KCNJ3: variants seen among roughly 807,000 people sequenced by gnomAD.
KCNJ3 encodes the protein potassium inwardly rectifying channel subfamily J member 3.
KCNJ3 carries 4 observed loss-of-function variants against 39.2 expected under a neutral mutation model. The ratio of observed to expected loss-of-function variants is 0.10; its 90% CI spans 0.05 to 0.23. KCNJ3 has a LOEUF of 0.23. Ranked by LOEUF, KCNJ3 falls within the 10% of genes least tolerant of loss-of-function variation. KCNJ3 has a pLI of 1.00. For synonymous variants in KCNJ3, 230 were observed against 237.4 expected (o/e 0.97, Z 0.29); for missense variants, 276 against 634.9 (o/e 0.43, Z 6.08).
chr2:154,748,321 A>G (rs185191342), intron 2 of KCNJ3, among the ~76,000 whole-genome samples: 1 of 152,046 alleles, frequency 6.6e-6, no homozygotes, highest in Non-Finnish European at 1.5e-5. Context: ...TGCTAGGGAT[A>G]TAGTGGCCTT....
intron 2 of KCNJ3, among the ~76,000 whole-genome samples, chr2:154,757,049 T>C (rs1412823500): frequency 6.6e-6 from 1 of 152,070 alleles, no homozygotes; most frequent in Middle Eastern, 3.2e-3. Context: ...AAAAAATGAA[T>C]TTAAAAAGTA....
intron 1 of KCNJ3, among the ~76,000 whole-genome samples, chr2:154,703,948 C>T (rs1325380815): frequency 1.3e-5 from 2 of 151,998 alleles, no homozygotes; most frequent in African/African-American, 4.8e-5. Flanking sequence ...AAGCTGAGTA[C>T]CTCAGAATGC....
At chr2:154,809,304 A>G (rs955487954) in intron 2 of KCNJ3, among the ~76,000 whole-genome samples, 2 of 152,112 alleles carry the variant, frequency 1.3e-5, no homozygotes, top group Admixed American at 1.3e-4. Context: ...AAAACCACCA[A>G]TGAGAGGAGG....
At chr2:154,756,553 A>T (rs1002661818) in intron 2 of KCNJ3, among the ~76,000 whole-genome samples, 2 of 142,052 alleles carry the variant, frequency 1.4e-5, no homozygotes, top group African/African-American at 5.2e-5. Flanking sequence ...CTGATGTGTG[A>T]TGTTCCCCTC....
intron 2 of KCNJ3, among the ~76,000 whole-genome samples, chr2:154,796,595 T>C (rs1686724065): frequency 6.6e-6 from 1 of 151,946 alleles, no homozygotes. Flanking sequence ...AAGTCTATAT[T>C]GCTAACTAAT....
At chr2:154,735,474 T>A (rs1380564295) in intron 2 of KCNJ3, among the ~76,000 whole-genome samples, 2 of 152,146 alleles carry the variant, frequency 1.3e-5, no homozygotes, top group Non-Finnish European at 2.9e-5. Flanking sequence ...TGGAAGACAA[T>A]CAGTTTTACA....
chr2:154,809,675 A>G (rs544419901), intron 2 of KCNJ3, among the ~76,000 whole-genome samples: 4 of 152,202 alleles, frequency 2.6e-5, no homozygotes, highest in Non-Finnish European at 4.4e-5. Flanking sequence ...TTGAAACAAA[A>G]ACTTAAAGCA....
At chr2:154,780,880 A>C (rs1195695100) in intron 2 of KCNJ3, among the ~76,000 whole-genome samples, 1 of 152,188 alleles carries the variant, frequency 6.6e-6, no homozygotes, top group Non-Finnish European at 1.5e-5. Context: ...TTTACTTGCT[A>C]TCCCCAGAAC....
chr2:154,758,816 C>T (rs1685986255), intron 2 of KCNJ3, among the ~76,000 whole-genome samples: 1 of 152,144 alleles, frequency 6.6e-6, no homozygotes, highest in South Asian at 2.1e-4. Flanking sequence ...CTGGATTAAA[C>T]ATTAAACTGA....
In KCNJ3 at chr2:154,709,626, G is replaced by C; in HGVS notation, c.726G>C (p.Glu242Asp). 6.2e-7 allele frequency: 1 copy of C among 1,613,884 alleles called. No individual in the cohort carries two copies. Residue 242 changes from glutamate (E) to aspartate (D), a missense_variant, in exon 2 of 3, where the codon GAG becomes GAC. Glu to Asp is a conservative substitution (Grantham distance 45). Around this residue, in one of 4 missense-constraint regions of KCNJ3, gnomAD observed 77 missense variants for 200.0 expected, o/e 0.38. Transcript: ENST00000295101. Reference sequence around the variant, plus strand: ...AGTCTCGGCAGACACCTGAGGGTGAGTTCCTTCCCCTTGACCAACTTGAAC... The same window carrying C: ...AGTCTCGGCAGACACCTGAGGGTGACTTCCTTCCCCTTGACCAACTTGAAC... ...LLKSRQTPEG[E>D]FLPLDQLELD...
chr2:154,845,718 C>A (rs1330209615), intron 2 of KCNJ3, among the ~76,000 whole-genome samples: 1 of 152,046 alleles, frequency 6.6e-6, no homozygotes, highest in Non-Finnish European at 1.5e-5. Flanking sequence ...CGCCTGTAAT[C>A]CCAGCACTTT....
At chr2:154,719,323 G>GGTAAAACTGGA (rs749073462) in intron 2 of KCNJ3, among the ~76,000 whole-genome samples, 8 of 152,098 alleles carry the variant, frequency 5.3e-5, no homozygotes, top group Non-Finnish European at 1.2e-4. Flanking sequence ...ATTGGCATGT[G>GGTAAAACTGGA]GTAAAACTGG....
chr2:154,712,002 C>T (rs1558853290), intron 2 of KCNJ3, among the ~76,000 whole-genome samples: 1 of 152,042 alleles, frequency 6.6e-6, no homozygotes, highest in Non-Finnish European at 1.5e-5. Context: ...GATTAAAGTC[C>T]ACTTCCTCTT....
At chr2:154,711,499 C>T (rs1022689296) in intron 2 of KCNJ3, among the ~76,000 whole-genome samples, 80 of 151,960 alleles carry the variant, frequency 5.3e-4, no homozygotes, top group Non-Finnish European at 1.3e-4. Context: ...ATCTAGCTAC[C>T]CGTTCATTCA....
At chr2:154,718,709 C>T (rs77302155) in intron 2 of KCNJ3, among the ~76,000 whole-genome samples, 3,649 of 152,170 alleles carry the variant, frequency 0.024, 79 homozygotes, top group Non-Finnish European at 0.039. Context: ...TTTGCACATA[C>T]GTTATTTTCT....
intron 2 of KCNJ3, among the ~76,000 whole-genome samples, chr2:154,851,235 C>A: frequency 6.6e-6 from 1 of 151,486 alleles, no homozygotes; most frequent in African/African-American, 2.4e-5. Context: ...GAACAAGAGC[C>A]CATCTGAAAA....
chr2:154,699,661 T>C lies in KCNJ3; in HGVS notation c.702+184T>C, dbSNP rs1684852774. ...AATGCGGTTGACAGTTCTGTTCCTT[T>C]TCCACTCACTCTCGTGCTCTTGTTT... On this transcript the variant is annotated intron_variant, in intron 1 of 2. Transcript: ENST00000295101. The surrounding 1 kb of genome is among the most constrained non-coding windows in gnomAD (Gnocchi z 6.4). 5.6e-6 allele frequency: 2 copies of C among 356,126 alleles called. No homozygotes were observed. The highest frequency in any genetic ancestry group is 7.9e-6 in the Non-Finnish European group (2 of 254,544). 22.1% of individuals were successfully genotyped at this position (356,126 alleles called of 1,614,324 possible). A position where few individuals can be genotyped will look rare whatever the true frequency, so the allele number is the denominator to read the frequency against.
intron 2 of KCNJ3, among the ~76,000 whole-genome samples, chr2:154,850,732 G>A (rs2105139530): frequency 6.6e-6 from 1 of 152,192 alleles, no homozygotes; most frequent in South Asian, 2.1e-4. Flanking sequence ...TAAGGTGCTG[G>A]CAAATGTTCT....
At chr2:154,780,432 C>T (rs1686416329) in intron 2 of KCNJ3, among the ~76,000 whole-genome samples, 1 of 152,110 alleles carries the variant, frequency 6.6e-6, no homozygotes, top group African/African-American at 2.4e-5. Flanking sequence ...ATAGGATTTA[C>T]ATGATGGATA....
Sources: allele counts gnomAD v4.1 joint callset (sites outside exome capture counted in the v4.1 genomes callset), GRCh38; gene constraint gnomAD v4.1.1; regional missense constraint gnomAD v4.1.1; non-coding constraint Gnocchi (gnomAD v3.1); transcripts MANE v1.5; gene names NCBI Gene and HGNC (gene_info 2026-07-23, HGNC 2026-07-21).